The following SLC35F1 variants were observed in gnomAD, a reference collection of about 807,000 sequenced individuals.
The protein encoded by SLC35F1 is solute carrier family 35 member F1.
A neutral mutation model predicts 48.7 loss-of-function variants in SLC35F1; 14 were observed. The ratio of observed to expected loss-of-function variants is 0.29; its 90% CI spans 0.19 to 0.45. The LOEUF is 0.45. Ranked by LOEUF, SLC35F1 falls within the 20% of genes least tolerant of loss-of-function variation. The pLI is 1.00. For synonymous variants in SLC35F1, 190 were observed against 202.2 expected (o/e 0.94, Z 0.51); for missense variants, 404 against 500.0 (o/e 0.81, Z 1.83).
At chr6:118,126,534 T>G (rs1295870127) in intron 1 of SLC35F1, among the ~76,000 whole-genome samples, 1 of 151,774 alleles carries the variant, frequency 6.6e-6, no homozygotes, top group Non-Finnish European at 1.5e-5. Flanking sequence ...ATTGGTAGCT[T>G]GATGGGGATG....
chr6:118,165,236 A>C (rs1016467244), intron 2 of SLC35F1, among the ~76,000 whole-genome samples: 12 of 152,018 alleles, frequency 7.9e-5, no homozygotes, highest in African/African-American at 2.7e-4. Context: ...ATTACTTCCC[A>C]CCCTTTCTCT....
chr6:117,967,398 TTAAG>T (rs1488633099), intron 1 of SLC35F1, among the ~76,000 whole-genome samples: 1 of 152,200 alleles, frequency 6.6e-6, no homozygotes, highest in African/African-American at 2.4e-5. Flanking sequence ...TTTTAAGAAT[TTAAG>T]TAATCAGCAA....
At chr6:118,177,618 G>A (rs921281090) in intron 2 of SLC35F1, among the ~76,000 whole-genome samples, 3 of 151,796 alleles carry the variant, frequency 2.0e-5, no homozygotes, top group East Asian at 1.9e-4. Context: ...CTATGTATTG[G>A]CCTCTAAACT....
intron 4 of SLC35F1, among the ~76,000 whole-genome samples, chr6:118,270,443 A>C (rs976325174): frequency 2.6e-5 from 4 of 152,190 alleles, no homozygotes; most frequent in Admixed American, 1.3e-4. Context: ...AAAGCATCCT[A>C]GTCCCCAGCC....
At chr6:118,257,230 A>G (rs1213758336) in intron 3 of SLC35F1, among the ~76,000 whole-genome samples, 2 of 152,086 alleles carry the variant, frequency 1.3e-5, no homozygotes, top group African/African-American at 2.4e-5. Flanking sequence ...CAAAGAGGAA[A>G]TAGCTAAAGT....
intron 7 of SLC35F1, among the ~76,000 whole-genome samples, chr6:118,304,917 T>C (rs1776294161): frequency 6.7e-6 from 1 of 149,914 alleles, no homozygotes; most frequent in Non-Finnish European, 1.5e-5. Context: ...TGATATTCCC[T>C]GAAAAATATC....
chr6:118,125,269 T>C (rs1773607175), intron 1 of SLC35F1, among the ~76,000 whole-genome samples: 3 of 152,142 alleles, frequency 2.0e-5, no homozygotes, highest in South Asian at 4.1e-4. Context: ...AGTAGTGATG[T>C]GTCACTTTTC....
At position 117,948,879 on chromosome 6, in the gene SLC35F1, G is replaced by A. The variant is rs541343674; in HGVS notation, c.173+40980G>A. ...TCTTGAAGGATCAGAGTTTCTCGGG[G>A]ACTAAGACAGCAAAAGATATTCCAA... On this transcript the variant is annotated intron_variant, in intron 1 of 7. Coordinates refer to ENST00000360388, the MANE Select transcript of SLC35F1 (RefSeq NM_001029858.4). Among the ~76,000 whole-genome samples the A allele has an allele frequency of 3.9e-5, 6 of 152,120 alleles. No homozygotes were observed. The South Asian group carries it at 1.2e-3, about 32-fold the overall frequency.
rs530793223 is a variant in SLC35F1 at position 117,910,788 on chromosome 6, C to T, written c.173+2889C>T. On this transcript the variant is annotated intron_variant, in intron 1 of 7. Coordinates refer to ENST00000360388, the MANE Select transcript of SLC35F1 (RefSeq NM_001029858.4). ...TAGACTGTGAGCAAGCCAAGCCTGGCGAATTGCCTGCCATTGGTCACAGTC... is the reference window on the plus strand; with the variant it reads ...TAGACTGTGAGCAAGCCAAGCCTGGTGAATTGCCTGCCATTGGTCACAGTC... Among the ~76,000 whole-genome samples the T allele has an allele frequency of 2.8e-4, 42 of 152,280 alleles. 1 individual carries two copies. In the South Asian group the frequency reaches 7.7e-3, roughly 28 times the overall value.
At chr6:118,188,420 T>C (rs1199972250) in intron 2 of SLC35F1, among the ~76,000 whole-genome samples, 1 of 151,954 alleles carries the variant, frequency 6.6e-6, no homozygotes, top group East Asian at 1.9e-4. Context: ...CGTGGTGGCA[T>C]GCACCTGTAA....
At chr6:118,246,048 C>T (rs1048698567) in intron 3 of SLC35F1, among the ~76,000 whole-genome samples, 2 of 152,166 alleles carry the variant, frequency 1.3e-5, no homozygotes, top group African/African-American at 2.4e-5. Flanking sequence ...CTCCCTTCCT[C>T]ATCTCCCATC....
chr6:117,934,840 C>T (rs1360723874), intron 1 of SLC35F1, among the ~76,000 whole-genome samples: 6 of 152,232 alleles, frequency 3.9e-5, no homozygotes, highest in African/African-American at 7.2e-5. Flanking sequence ...GGCATGGCAG[C>T]TCTCGCCTGT....
chr6:118,210,283 A>G (rs921144327), intron 2 of SLC35F1, among the ~76,000 whole-genome samples: 3 of 152,166 alleles, frequency 2.0e-5, no homozygotes, highest in Non-Finnish European at 4.4e-5. Flanking sequence ...CACCTGATAT[A>G]CTTAAATGTT....
chr6:118,089,059 GA>G (rs1773033977), intron 1 of SLC35F1, among the ~76,000 whole-genome samples: 1 of 152,180 alleles, frequency 6.6e-6, no homozygotes, highest in African/African-American at 2.4e-5. Flanking sequence ...AACCCAGAAA[GA>G]AATCATGGTG....
chr6:118,012,337 A>AG (rs1777260741), intron 1 of SLC35F1, among the ~76,000 whole-genome samples: 1 of 151,774 alleles, frequency 6.6e-6, no homozygotes, highest in South Asian at 2.1e-4. Flanking sequence ...AAAAAAAAAA[A>AG]AAAGAAAAAC....
chr6:118,088,988 G>A (rs889042336), intron 1 of SLC35F1, among the ~76,000 whole-genome samples: 5 of 152,234 alleles, frequency 3.3e-5, no homozygotes, highest in Middle Eastern at 3.4e-3. Context: ...ACTACACATT[G>A]CACAGTTGGG....
At chr6:117,991,170 T>G (rs1776915401) in intron 1 of SLC35F1, among the ~76,000 whole-genome samples, 1 of 152,184 alleles carries the variant, frequency 6.6e-6, no homozygotes, top group Non-Finnish European at 1.5e-5. Flanking sequence ...CACATTTGTA[T>G]TTCATAATGA....
chr6:118,213,676 C>CAGTG (rs1426092527), intron 2 of SLC35F1, among the ~76,000 whole-genome samples: 1 of 152,118 alleles, frequency 6.6e-6, no homozygotes, highest in African/African-American at 2.4e-5. Flanking sequence ...CTCACACACA[C>CAGTG]AGTGTTGAGT....
chr6:118,012,441 C>T (rs1777262619), intron 1 of SLC35F1, among the ~76,000 whole-genome samples: 2 of 152,072 alleles, frequency 1.3e-5, no homozygotes, highest in Non-Finnish European at 2.9e-5. Context: ...CTTCTGCCCC[C>T]TTGTTTCTAG....
Sources: gnomAD v4.1 joint callset for allele counts (sites outside exome capture counted in the v4.1 genomes callset) on GRCh38, gnomAD v4.1.1 for gene constraint, MANE v1.5 for transcripts, NCBI Gene and HGNC (gene_info 2026-07-23, HGNC 2026-07-21) for gene names.